GALNT13: variants seen among roughly 807,000 people sequenced by gnomAD.
GALNT13 encodes the protein UDP-GalNAc:polypeptide N-acetylgalactosaminyltransferase 13.
GALNT13 carries 28 observed loss-of-function variants against 64.2 expected under a neutral mutation model. That is an observed-to-expected ratio of 0.44 (90% CI 0.32 to 0.60). The LOEUF (loss-of-function observed/expected upper bound fraction) is 0.60. Ranked by LOEUF, GALNT13 falls within the 20% of genes least tolerant of loss-of-function variation. The pLI, the probability that GALNT13 is intolerant of heterozygous loss-of-function variation, is 0.05. For synonymous variants in GALNT13, 214 were observed against 224.6 expected (o/e 0.95, Z 0.42); for missense variants, 577 against 669.8 (o/e 0.86, Z 1.53).
chr2:153,962,371 A>G (rs552193538), intron 3 of GALNT13, among the ~76,000 whole-genome samples: 3 of 152,342 alleles, frequency 2.0e-5, no homozygotes, highest in South Asian at 2.1e-4. Context: ...GAATCAGTAC[A>G]TGGAGGACTC....
the GALNT13 span, among the ~76,000 whole-genome samples, chr2:153,258,032 G>T: frequency 6.6e-6 from 1 of 152,080 alleles, no homozygotes; most frequent in Non-Finnish European, 1.5e-5. Flanking sequence ...ACCTGAAGAA[G>T]AGAGGAATTT....
chr2:153,171,880 T>C, the GALNT13 span: 1 of 152,214 alleles, frequency 6.6e-6, no homozygotes, highest in African/African-American at 2.4e-5. Context: ...CTATTAACAT[T>C]AAAAGCCAGG....
At chr2:153,279,056 T>C in the GALNT13 span, among the ~76,000 whole-genome samples, 1 of 152,164 alleles carries the variant, frequency 6.6e-6, no homozygotes, top group African/African-American at 2.4e-5. Flanking sequence ...TAGTTTCCCT[T>C]GGAGAGATTG....
chr2:153,899,876 G>T (rs1482603290), intron 1 of GALNT13, among the ~76,000 whole-genome samples: 1 of 149,052 alleles, frequency 6.7e-6, no homozygotes, highest in East Asian at 2.0e-4. Context: ...TGTCTGATCT[G>T]TCTGAAAGAA....
chr2:153,163,434 T>C, the GALNT13 span, among the ~76,000 whole-genome samples: 5 of 152,138 alleles, frequency 3.3e-5, no homozygotes, highest in Non-Finnish European at 5.9e-5. Context: ...CCAAAAGCAA[T>C]TTGTCTAATC....
chr2:153,562,904 G>T, the GALNT13 span, among the ~76,000 whole-genome samples: 1 of 151,972 alleles, frequency 6.6e-6, no homozygotes, highest in African/African-American at 2.4e-5. Flanking sequence ...TTTTGGTGTG[G>T]CTATTCTGAT....
At chr2:153,360,255 C>T in the GALNT13 span, among the ~76,000 whole-genome samples, 1 of 152,188 alleles carries the variant, frequency 6.6e-6, no homozygotes, top group Non-Finnish European at 1.5e-5. Context: ...CCTGGGAAGC[C>T]CTGCTTTGTC....
At chr2:154,214,056 A>G (rs1189923672) in intron 4 of GALNT13, among the ~76,000 whole-genome samples, 1 of 152,116 alleles carries the variant, frequency 6.6e-6, no homozygotes, top group Non-Finnish European at 1.5e-5. Context: ...TCATTATAAA[A>G]CTCACCAATG....
chr2:154,128,827 T>C (rs1236397197), intron 3 of GALNT13, among the ~76,000 whole-genome samples: 4 of 152,150 alleles, frequency 2.6e-5, no homozygotes, highest in African/African-American at 9.7e-5. Flanking sequence ...CTGAAATGGC[T>C]GCTAGAGCAT....
At chr2:153,461,033 A>T in the GALNT13 span, among the ~76,000 whole-genome samples, 7 of 152,108 alleles carry the variant, frequency 4.6e-5, no homozygotes, top group Admixed American at 2.0e-4. Flanking sequence ...CTTTTCTGTA[A>T]TTTTTTGCAA....
chr2:153,996,026 G>A (rs1336215216), intron 3 of GALNT13, among the ~76,000 whole-genome samples: 4 of 152,110 alleles, frequency 2.6e-5, no homozygotes, highest in South Asian at 2.1e-4. Context: ...TTTAATAGCC[G>A]AATAGCATTC....
chr2:154,082,057 A>G (rs12613008), intron 3 of GALNT13, among the ~76,000 whole-genome samples: 7,097 of 151,882 alleles, frequency 0.047, 221 homozygotes, highest in South Asian at 0.11. Flanking sequence ...CCCTAGGTAC[A>G]TAACCCTATA....
chr2:153,390,538 T>C, the GALNT13 span, among the ~76,000 whole-genome samples: 1 of 152,226 alleles, frequency 6.6e-6, no homozygotes, highest in Middle Eastern at 3.4e-3. Flanking sequence ...TACATCACAA[T>C]AAAAACAGTT....
At chr2:153,435,393 G>C in the GALNT13 span, among the ~76,000 whole-genome samples, 45 of 152,106 alleles carry the variant, frequency 3.0e-4, 1 homozygote, top group South Asian at 2.1e-4. Context: ...GATGGGGATG[G>C]CATTGAATCT....
chr2:153,509,614 C>T, the GALNT13 span, among the ~76,000 whole-genome samples: 1 of 152,194 alleles, frequency 6.6e-6, no homozygotes, highest in African/African-American at 2.4e-5. Context: ...CATTGAATTG[C>T]TTCTATATAG....
At chr2:153,394,036 C>T in the GALNT13 span, among the ~76,000 whole-genome samples, 1 of 151,388 alleles carries the variant, frequency 6.6e-6, no homozygotes, top group Non-Finnish European at 1.5e-5. Context: ...CTAATATAGG[C>T]CACGTGACTT....
chr2:153,948,877 A>G (rs556955031), intron 3 of GALNT13, among the ~76,000 whole-genome samples: 9 of 152,140 alleles, frequency 5.9e-5, no homozygotes, highest in Non-Finnish European at 1.0e-4. Context: ...AAGATCAGGA[A>G]AAATAATTAA....
chr2:154,039,106 T>A (rs914122228), intron 3 of GALNT13, among the ~76,000 whole-genome samples: 4 of 151,830 alleles, frequency 2.6e-5, no homozygotes, highest in Non-Finnish European at 4.4e-5. Context: ...AGACAAATAA[T>A]AACAAAGGCT....
At chr2:153,506,274 G>A in the GALNT13 span, among the ~76,000 whole-genome samples, 1 of 152,110 alleles carries the variant, frequency 6.6e-6, no homozygotes, top group Non-Finnish European at 1.5e-5. Context: ...CAGAAACTTG[G>A]TTTGTGAGTT....
Sources: allele counts gnomAD v4.1 joint callset (sites outside exome capture counted in the v4.1 genomes callset), GRCh38; gene constraint gnomAD v4.1.1; transcripts MANE v1.5; gene names NCBI Gene and HGNC (gene_info 2026-07-23, HGNC 2026-07-21).